The following ANK3 variants were observed in gnomAD, a reference collection of about 807,000 sequenced individuals.
ANK3 encodes the protein ankyrin 3.
Under a neutral mutation model 370.9 loss-of-function variants are expected in ANK3, and 57 were observed. The ratio of observed to expected loss-of-function variants is 0.15; its 90% CI spans 0.12 to 0.19. ANK3 has a LOEUF of 0.19. Among genes scored for constraint, ANK3 ranks in the 10% least tolerant of loss-of-function variants. The pLI, the probability that ANK3 is intolerant of heterozygous loss-of-function variation, is 1.00. For synonymous variants in ANK3, 1,929 were observed against 1,946.3 expected (o/e 0.99, Z 0.23); for missense variants, 4,439 against 5,302.1 (o/e 0.84, Z 5.06).
rs34302629 is a variant in ANK3 at position 60,301,123 on chromosome 10, G to GATATATATAT, written c.115-21494_115-21485dup. 1.7e-3 allele frequency among the ~76,000 whole-genome samples: 235 copies of GATATATATAT among 135,210 alleles called. 1 individual carries two copies. The highest frequency in any genetic ancestry group is 6.1e-3 in the African/African-American group (223 of 36,314). 88.7% of individuals were successfully genotyped at this position (135,210 alleles called of 152,430 possible). On this transcript the variant is annotated intron_variant, in intron 1 of 43. Coordinates refer to ENST00000280772, the MANE Select transcript of ANK3 (RefSeq NM_020987.5). ...ACCAAACAACTCATTGAATACTTCCGATATATATATATATATATATATGTA... is the reference window on the plus strand; with the variant it reads ...ACCAAACAACTCATTGAATACTTCCGATATATATATATATATATATATATATATATATGTA...
At chr10:60,224,901 T>C (rs1417424004) in intron 8 of ANK3, among the ~76,000 whole-genome samples, 1 of 150,874 alleles carries the variant, frequency 6.6e-6, no homozygotes, top group East Asian at 1.9e-4. Flanking sequence ...TTTTCTTTTT[T>C]TCTTTTTCTT....
In ANK3 at chr10:60,344,624, T is replaced by C. The variant is rs117861062; in HGVS notation, c.114+44801A>G. On this transcript the variant is annotated intron_variant, in intron 1 of 43. Coordinates refer to ENST00000280772, the MANE Select transcript of ANK3 (RefSeq NM_020987.5). ...CTGAAAATATCTTTCATATTTGTTA[T>C]TGGCACTAGGTACACAACTTCAAAA... 1.9e-3 allele frequency among the ~76,000 whole-genome samples: 281 copies of C among 150,130 alleles called. 2 individuals are homozygous for C. Among genetic ancestry groups the C allele is most frequent in the East Asian group, 0.013 (63 of 5,012 alleles).
At chr10:60,515,791 A>G (rs761360575) in intron 2 of ANK3, among the ~76,000 whole-genome samples, 2 of 152,152 alleles carry the variant, frequency 1.3e-5, no homozygotes, top group Non-Finnish European at 2.9e-5. Flanking sequence ...AGAAAACCAG[A>G]AGCAAACAAA....
intron 26 of ANK3, among the ~76,000 whole-genome samples, chr10:60,113,030 T>C (rs1315571876): frequency 2.0e-5 from 3 of 152,152 alleles, no homozygotes; most frequent in Admixed American, 6.5e-5. Context: ...TACCCAAAGA[T>C]GAAGAATCCA....
chr10:60,509,437 G>A (rs1179918338), intron 2 of ANK3, among the ~76,000 whole-genome samples: 1 of 152,046 alleles, frequency 6.6e-6, no homozygotes, highest in Non-Finnish European at 1.5e-5. Flanking sequence ...GAAGAGTTAA[G>A]AAACTTGCTG....
chr10:60,660,642 A>C (rs2078923659), intron 1 of ANK3, among the ~76,000 whole-genome samples: 1 of 152,126 alleles, frequency 6.6e-6, no homozygotes, highest in African/African-American at 2.4e-5. Context: ...TTATGGCAGA[A>C]ATGCGATGGA....
intron 1 of ANK3, among the ~76,000 whole-genome samples, chr10:60,337,174 A>G (rs1483626806): frequency 6.6e-6 from 1 of 152,202 alleles, no homozygotes; most frequent in Non-Finnish European, 1.5e-5. Context: ...GTTATGAAAC[A>G]ATAAGATAAC....
intron 2 of ANK3, among the ~76,000 whole-genome samples, chr10:60,594,151 T>C (rs534709842): frequency 6.6e-6 from 1 of 152,262 alleles, no homozygotes; most frequent in Non-Finnish European, 1.5e-5. Flanking sequence ...AAATAATCAG[T>C]TTCTCTTCCT....
chr10:60,205,861 G>A lies in ANK3; in HGVS notation c.1224C>T (p.Cys408=). The change falls in exon 11 of 44, where the codon TGC becomes TGT. Residue 408 remains cysteine, a synonymous_variant. Coordinates refer to ENST00000280772, the MANE Select transcript of ANK3 (RefSeq NM_020987.5). ...CCATTACTTTAATTCGATTCTTCTT[G>A]CAGGCAATATGAAGAGGGGTAAAGC... ...LNGFTPLHIA[C]KKNRIKVMEL... 3 of 1,613,666 alleles carry A rather than the reference G, an allele frequency of 1.9e-6. No individual in the cohort carries two copies. Among genetic ancestry groups the A allele is most frequent in the Non-Finnish European group, 2.5e-6 (3 of 1,179,586 alleles).
intron 42 of ANK3, chr10:60,053,683 A>G (rs2078550264): frequency 7.7e-7 from 1 of 1,303,700 alleles, no homozygotes; most frequent in Non-Finnish European, 1.0e-6. Context: ...TTACCTTATA[A>G]CAGCAGGCAG....
intron 18 of ANK3, among the ~76,000 whole-genome samples, chr10:60,179,375 G>T (rs1006680200): frequency 3.3e-5 from 5 of 152,202 alleles, no homozygotes. Flanking sequence ...AAGGTTACAT[G>T]CTGCCAGATA....
intron 2 of ANK3, among the ~76,000 whole-genome samples, chr10:60,465,332 T>G (rs2064985554): frequency 6.6e-6 from 1 of 152,102 alleles, no homozygotes; most frequent in South Asian, 2.1e-4. Flanking sequence ...GAGACTTGTG[T>G]AGGAATTTTT....
At chr10:60,584,873 A>T (rs1219691261) in intron 2 of ANK3, among the ~76,000 whole-genome samples, 1 of 152,154 alleles carries the variant, frequency 6.6e-6, no homozygotes, top group East Asian at 1.9e-4. Flanking sequence ...GAGCCAAGCA[A>T]AGGGCTGATG....
At chr10:60,149,638 C>T (rs1003389062) in intron 23 of ANK3, among the ~76,000 whole-genome samples, 3 of 152,240 alleles carry the variant, frequency 2.0e-5, no homozygotes, top group Non-Finnish European at 4.4e-5. Flanking sequence ...CTCTTATCTT[C>T]TGTCTATATC....
At chr10:60,092,065 A>C (rs957987350) in intron 28 of ANK3, among the ~76,000 whole-genome samples, 1 of 152,174 alleles carries the variant, frequency 6.6e-6, no homozygotes, top group Non-Finnish European at 1.5e-5. Flanking sequence ...TGTAGAAGAA[A>C]CATTCTAGGC....
At chr10:60,043,588 GA>G in intron 42 of ANK3, 1 of 985,418 alleles carries the variant, frequency 1.0e-6, no homozygotes, top group Non-Finnish European at 1.2e-6. Context: ...GAAGATGGAG[GA>G]ATTCAGATTT....
chr10:60,431,880 G>A (rs965088440), intron 2 of ANK3, among the ~76,000 whole-genome samples: 1 of 152,132 alleles, frequency 6.6e-6, no homozygotes, highest in African/African-American at 2.4e-5. Flanking sequence ...ATTCTTCGTG[G>A]TGTCTTTGCC....
chr10:60,033,657 T>G (rs2074250584), intron 43 of ANK3, among the ~76,000 whole-genome samples: 2 of 152,166 alleles, frequency 1.3e-5, no homozygotes, highest in African/African-American at 2.4e-5. Flanking sequence ...TGACTTGTTT[T>G]TTATAGGCAA....
At chr10:60,247,056 C>T (rs557317657) in intron 7 of ANK3, among the ~76,000 whole-genome samples, 1 of 152,274 alleles carries the variant, frequency 6.6e-6, no homozygotes, top group African/African-American at 2.4e-5. Context: ...CGCTCTATTG[C>T]CCAAGCTGGA....
Sources: allele counts gnomAD v4.1 joint callset (sites outside exome capture counted in the v4.1 genomes callset), GRCh38; gene constraint gnomAD v4.1.1; transcripts MANE v1.5; gene names NCBI Gene and HGNC (gene_info 2026-07-23, HGNC 2026-07-21).